Variants in SDCCAG8 observed in about 807,000 individuals in gnomAD.
SDCCAG8 encodes SHH signaling and ciliogenesis regulator SDCCAG8.
SDCCAG8 carries 74 observed loss-of-function variants against 101.8 expected under a neutral mutation model. The ratio of observed to expected loss-of-function variants is 0.73; its 90% CI spans 0.60 to 0.88. The LOEUF (loss-of-function observed/expected upper bound fraction) is 0.88, where lower values mean the gene tolerates loss of function less well. Ranked by LOEUF, SDCCAG8 falls within the 40% of genes least tolerant of loss-of-function variation. SDCCAG8 has a pLI of 0.00. For missense variants in SDCCAG8, 787 were observed against 822.6 expected, an observed-to-expected ratio of 0.96 and a Z score of 0.53; for synonymous variants, 281 against 292.9, an observed-to-expected ratio of 0.96 and a Z score of 0.41.
intron 13 of SDCCAG8, among the ~76,000 whole-genome samples, chr1:243,391,060 A>C (rs915020671): frequency 6.6e-6 from 1 of 152,162 alleles, no homozygotes; most frequent in East Asian, 1.9e-4. Flanking sequence ...GAGCCTTTCA[A>C]GTAGCTGGGA....
intron 16 of SDCCAG8, among the ~76,000 whole-genome samples, chr1:243,468,626 G>T (rs1375618544): frequency 6.6e-6 from 1 of 152,198 alleles, no homozygotes; most frequent in African/African-American, 2.4e-5. Flanking sequence ...GTTTGAGGCT[G>T]CAGTGAGCTG....
chr1:243,441,621 C>T (rs887073592), intron 16 of SDCCAG8, among the ~76,000 whole-genome samples: 8 of 152,116 alleles, frequency 5.3e-5, no homozygotes, highest in African/African-American at 1.7e-4. Flanking sequence ...AATTAGGGAA[C>T]AAAGAATTTT....
chr1:243,485,979 A>C (rs959817186), intron 16 of SDCCAG8, among the ~76,000 whole-genome samples: 5 of 151,860 alleles, frequency 3.3e-5, no homozygotes, highest in Non-Finnish European at 7.4e-5. Flanking sequence ...CGAGTGGATC[A>C]CTTGAGGTCA....
chr1:243,344,312 A>G lies in SDCCAG8; in HGVS notation c.1454A>G (p.Asp485Gly), dbSNP rs1273880712. 2.7e-5 allele frequency: 44 copies of G among 1,612,556 alleles called. No individual in the cohort carries two copies. The highest frequency in any genetic ancestry group is 3.6e-5 in the Non-Finnish European group (43 of 1,178,736). The change falls in exon 12 of 18, where the codon GAT becomes GGT. Residue 485 changes from aspartate to glycine, a missense_variant. Transcript: ENST00000366541. Reference sequence around the variant, plus strand: ...GAGTTCAGAGCAAAAACTAACAGGGATCTTGAAATTAAAGATCAGGTAAGA... The same window carrying G: ...GAGTTCAGAGCAAAAACTAACAGGGGTCTTGAAATTAAAGATCAGGTAAGA... ...HREFRAKTNR[D>G]LEIKDQEIEK...
At chr1:243,330,994 G>A (rs922843641) in intron 10 of SDCCAG8, among the ~76,000 whole-genome samples, 7 of 152,020 alleles carry the variant, frequency 4.6e-5, no homozygotes, top group South Asian at 2.1e-4. Flanking sequence ...TCCCAGAGTC[G>A]TGCTATGAAG....
chr1:243,471,522 G>GC (rs1263966733), intron 16 of SDCCAG8, among the ~76,000 whole-genome samples: 1 of 151,992 alleles, frequency 6.6e-6, no homozygotes, highest in Non-Finnish European at 1.5e-5. Context: ...CTCTCCCTCG[G>GC]CCCTCCACGG....
rs1455479282 is a variant in SDCCAG8, at chr1:243,416,096, C to T, written c.1744+267C>T. On this transcript the variant is annotated intron_variant, in intron 14 of 17. Transcript: ENST00000366541. The surrounding 1 kb of genome is among the most constrained non-coding windows in gnomAD (Gnocchi z 4.3). Reference sequence around the variant, plus strand: ...AGTTTATTTACCTGTGTTCAAGAAACGTAAAGCTGAGAGAGACCACAACAA... The same window carrying T: ...AGTTTATTTACCTGTGTTCAAGAAATGTAAAGCTGAGAGAGACCACAACAA... Among the ~76,000 whole-genome samples, 7 of 152,112 alleles carry T rather than the reference C, an allele frequency of 4.6e-5. No individual in the cohort carries two copies. The highest frequency in any genetic ancestry group is 8.8e-5 in the Non-Finnish European group (6 of 68,010).
chr1:243,332,259 A>G (rs891755411), intron 10 of SDCCAG8, among the ~76,000 whole-genome samples: 1 of 152,250 alleles, frequency 6.6e-6, no homozygotes, highest in Non-Finnish European at 1.5e-5. Context: ...TAAAATCCAT[A>G]TGAAGGATTT....
chr1:243,302,806 T>C (rs2071663467), intron 6 of SDCCAG8, among the ~76,000 whole-genome samples: 1 of 152,092 alleles, frequency 6.6e-6, no homozygotes, highest in African/African-American at 2.4e-5. Flanking sequence ...TTATTACATA[T>C]GGGTACTCTA....
At chr1:243,480,225 T>C (rs1663192007) in intron 16 of SDCCAG8, among the ~76,000 whole-genome samples, 2 of 150,160 alleles carry the variant, frequency 1.3e-5, no homozygotes, top group Admixed American at 6.7e-5. Flanking sequence ...ATGAGAAGGC[T>C]GTGCAGGAAC....
At chr1:243,470,498 T>A (rs1364068901) in intron 16 of SDCCAG8, among the ~76,000 whole-genome samples, 3 of 151,888 alleles carry the variant, frequency 2.0e-5, no homozygotes, top group Admixed American at 2.0e-4. Flanking sequence ...TTTTTTTCTT[T>A]TTTTTGCAGC....
chr1:243,383,998 C>G (rs1428415578), intron 13 of SDCCAG8, among the ~76,000 whole-genome samples: 1 of 152,140 alleles, frequency 6.6e-6, no homozygotes, highest in African/African-American at 2.4e-5. Flanking sequence ...CTACCTAGGC[C>G]TCCCCATTGA....
intron 16 of SDCCAG8, among the ~76,000 whole-genome samples, chr1:243,440,608 T>C (rs1050180560): frequency 6.6e-6 from 1 of 152,198 alleles, no homozygotes; most frequent in Non-Finnish European, 1.5e-5. Flanking sequence ...GCAGCAGTGT[T>C]CCAATTGTGC....
intron 17 of SDCCAG8, among the ~76,000 whole-genome samples, chr1:243,496,731 G>A (rs934011532): frequency 1.3e-5 from 2 of 152,232 alleles, no homozygotes; most frequent in Admixed American, 1.3e-4. Context: ...CCCACAGTGT[G>A]GTTGCCTGGG....
chr1:243,271,168 A>G (rs2068052148), intron 3 of SDCCAG8, 105 bp downstream of exon 3: 6 of 761,578 alleles, frequency 7.9e-6, no homozygotes, highest in Non-Finnish European at 1.4e-5. Flanking sequence ...GCATACTAAT[A>G]GTGAAAAACA....
intron 8 of SDCCAG8, among the ~76,000 whole-genome samples, chr1:243,312,220 A>G (rs752490293): frequency 2.6e-5 from 4 of 152,332 alleles, no homozygotes; most frequent in African/African-American, 4.8e-5. Context: ...TTTTATGTAT[A>G]GTTAGAAGCC....
intron 3 of SDCCAG8, 36 bp from the exon 4 acceptor site, chr1:243,274,507 G>A (rs537215054): frequency 5.8e-6 from 7 of 1,215,296 alleles, no homozygotes; most frequent in Non-Finnish European, 8.4e-6. Flanking sequence ...TAAAATTTAT[G>A]TATTTATGTA....
At chr1:243,397,064 C>A (rs550748270) in intron 13 of SDCCAG8, among the ~76,000 whole-genome samples, 1 of 152,246 alleles carries the variant, frequency 6.6e-6, no homozygotes, top group East Asian at 1.9e-4. Flanking sequence ...CAGTGGAATC[C>A]AACAGGAGAG....
intron 16 of SDCCAG8, among the ~76,000 whole-genome samples, chr1:243,484,225 G>A (rs909021828): frequency 2.0e-5 from 3 of 152,226 alleles, no homozygotes; most frequent in African/African-American, 7.2e-5. Flanking sequence ...AGAGTCCAGC[G>A]TCGCCTTCCT....
Sources: allele counts gnomAD v4.1 joint callset (sites outside exome capture counted in the v4.1 genomes callset), GRCh38; gene constraint gnomAD v4.1.1; non-coding constraint Gnocchi (gnomAD v3.1); transcripts MANE v1.5; gene names NCBI Gene and HGNC (gene_info 2026-07-23, HGNC 2026-07-21).